Variants in UBAP2 observed in about 807,000 individuals in gnomAD.
UBAP2 encodes the protein ubiquitin-associated protein 2.
Under a neutral mutation model 139.6 loss-of-function variants are expected in UBAP2, and 75 were observed. That is an observed-to-expected ratio of 0.54 (90% confidence interval 0.45 to 0.65). The LOEUF is 0.65. Among genes scored for constraint, UBAP2 ranks in the 30% least tolerant of loss-of-function variants. The pLI, the probability that UBAP2 is intolerant of heterozygous loss-of-function variation, is 0.00. For synonymous variants in UBAP2, 526 were observed against 526.2 expected (o/e 1.00, Z 0.01); for missense variants, 1,368 against 1,369.6 (o/e 1.00, Z 0.02).
At chr9:34,039,855 A>C (rs1200915104) in intron 1 of UBAP2, among the ~76,000 whole-genome samples, 3 of 148,108 alleles carry the variant, frequency 2.0e-5, no homozygotes, top group Non-Finnish European at 4.5e-5. Context: ...ACTAAAAAAA[A>C]AAAAAAAAAA....
chr9:34,022,189 G>A (rs1825008577), intron 1 of UBAP2, among the ~76,000 whole-genome samples: 1 of 152,062 alleles, frequency 6.6e-6, no homozygotes, highest in African/African-American at 2.4e-5. Context: ...AGGTTGCAGT[G>A]AGCTGAGATT....
intron 2 of UBAP2, among the ~76,000 whole-genome samples, chr9:34,016,174 GAGGAGGAAGAGGAGGAATAGA>G (rs986561548): frequency 7.8e-5 from 11 of 140,802 alleles, no homozygotes; most frequent in Non-Finnish European, 1.2e-4. Flanking sequence ...GGAGGAGGAG[GAGGAGGAAGAGGAGGAATAGA>G]AGGAAGAGGA....
At chr9:33,980,660 T>C (rs1820583006) in intron 6 of UBAP2, among the ~76,000 whole-genome samples, 1 of 152,004 alleles carries the variant, frequency 6.6e-6, no homozygotes, top group Non-Finnish European at 1.5e-5. Context: ...AAAACAAAGT[T>C]AAATGAAATA....
intron 8 of UBAP2, 62 bp from the exon 9 acceptor site, chr9:33,963,853 G>A: frequency 8.2e-7 from 1 of 1,221,418 alleles, no homozygotes; most frequent in Non-Finnish European, 1.2e-6. Context: ...ATTCATCACA[G>A]AGAAGATGGT....
chr9:34,017,299 A>T (rs989027087), intron 1 of UBAP2, 110 bp from the exon 2 acceptor site: 1 of 476,754 alleles, frequency 2.1e-6, no homozygotes, highest in African/African-American at 2.0e-5. Context: ...CTGGAATACA[A>T]ATTCTCAAGA....
intron 15 of UBAP2, among the ~76,000 whole-genome samples, chr9:33,942,103 G>C (rs922036291): frequency 6.6e-6 from 1 of 151,304 alleles, no homozygotes; most frequent in Non-Finnish European, 1.5e-5. Flanking sequence ...CCGGAGGTCA[G>C]GAGATCGAGA....
At chr9:33,927,106 A>C in intron 20 of UBAP2, 26 bp from the exon 21 acceptor site, 1 of 1,565,506 alleles carries the variant, frequency 6.4e-7, no homozygotes, top group Non-Finnish European at 8.7e-7. Context: ...AATCAAATGG[A>C]GTGAAATGGT....
chr9:33,991,103 T>C, intron 4 of UBAP2, among the ~76,000 whole-genome samples: 1 of 152,016 alleles, frequency 6.6e-6, no homozygotes, highest in East Asian at 1.9e-4. Flanking sequence ...TGGCCAACAT[T>C]GTGAAACTCT....
rs893146485 is a variant in UBAP2 at position 33,921,948 on chromosome 9, G to A, written c.*556C>T. 1 of 152,970 alleles carries A rather than the reference G, an allele frequency of 6.5e-6. No homozygotes were observed. The highest frequency in any genetic ancestry group is 2.4e-5 in the African/African-American group (1 of 41,402). 9.5% of individuals were successfully genotyped at this position (152,970 alleles called of 1,614,324 possible). On this transcript the variant is annotated 3_prime_UTR_variant, in exon 29 of 29. Coordinates refer to ENST00000379238, the MANE Select transcript of UBAP2 (RefSeq NM_001370062.2). ...TGAAGACAAACAGGTGGCCATACTT[G>A]GGTGGAGGGATACCGCTGCTATTCC... is the stretch of plus-strand genomic sequence containing the variant.
intron 26 of UBAP2, 26 bp downstream of exon 26, chr9:33,923,160 T>A: frequency 6.2e-7 from 1 of 1,612,162 alleles, no homozygotes; most frequent in Non-Finnish European, 8.5e-7. Context: ...CCAGGCCTTA[T>A]CCTGGAAAGG....
chr9:34,032,941 A>T (rs1016445592), intron 1 of UBAP2, among the ~76,000 whole-genome samples: 23 of 150,646 alleles, frequency 1.5e-4, no homozygotes, highest in Non-Finnish European at 4.4e-5. Context: ...AAAAATCAAC[A>T]TCTTTGCTTC....
chr9:34,018,042 G>A (rs1367613675), intron 1 of UBAP2, among the ~76,000 whole-genome samples: 1 of 151,944 alleles, frequency 6.6e-6, no homozygotes, highest in African/African-American at 2.4e-5. Context: ...ATGATTCTAA[G>A]CTGGGCACGG....
At chr9:34,040,146 CT>C (rs1826931812) in intron 1 of UBAP2, among the ~76,000 whole-genome samples, 2 of 146,380 alleles carry the variant, frequency 1.4e-5, no homozygotes, top group African/African-American at 5.1e-5. Flanking sequence ...GCGACAAGGG[CT>C]AGACTCCGTC....
chr9:34,021,458 G>T (rs548735531), intron 1 of UBAP2, among the ~76,000 whole-genome samples: 1 of 152,066 alleles, frequency 6.6e-6, no homozygotes, highest in African/African-American at 2.4e-5. Flanking sequence ...GTTGGTTTGG[G>T]TTTATCATTT....
chr9:33,980,863 C>A (rs867618713), intron 6 of UBAP2, among the ~76,000 whole-genome samples: 1 of 151,174 alleles, frequency 6.6e-6, no homozygotes, highest in Non-Finnish European at 1.5e-5. Context: ...GGGAAGATGG[C>A]TTGAGCCTGG....
chr9:33,983,553 C>T (rs989180334), intron 6 of UBAP2, among the ~76,000 whole-genome samples: 49 of 152,282 alleles, frequency 3.2e-4, no homozygotes, highest in Admixed American at 2.8e-3. Context: ...ACTAATCACA[C>T]ACATAACGTT....
chr9:34,044,501 G>A (rs941282350), intron 1 of UBAP2, among the ~76,000 whole-genome samples: 1 of 152,054 alleles, frequency 6.6e-6, no homozygotes, highest in Non-Finnish European at 1.5e-5. Context: ...GGAGGCAGAG[G>A]TTACAGTGAG....
At chr9:34,040,000 G>C (rs1826913324) in intron 1 of UBAP2, among the ~76,000 whole-genome samples, 1 of 151,816 alleles carries the variant, frequency 6.6e-6, no homozygotes. Context: ...TCTACTAAAA[G>C]TACAAAATTA....
chr9:34,037,873 T>A (rs944908933), intron 1 of UBAP2, among the ~76,000 whole-genome samples: 1 of 151,254 alleles, frequency 6.6e-6, no homozygotes, highest in Non-Finnish European at 1.5e-5. Context: ...GCTATAAAAA[T>A]ACATTTTGTG....
Sources: allele counts gnomAD v4.1 joint callset (sites outside exome capture counted in the v4.1 genomes callset), GRCh38; gene constraint gnomAD v4.1.1; transcripts MANE v1.5; gene names NCBI Gene and HGNC (gene_info 2026-07-23, HGNC 2026-07-21).